DIP2A: variants seen among roughly 807,000 people sequenced by gnomAD.
The protein encoded by DIP2A is DIP2 acetate--CoA ligase A, also known as disco-interacting protein 2 homolog A.
DIP2A carries 85 observed loss-of-function variants against 177.4 expected under a neutral mutation model. The ratio of observed to expected loss-of-function variants is 0.48; its 90% CI spans 0.40 to 0.57. The LOEUF (loss-of-function observed/expected upper bound fraction) is 0.57. Among genes scored for constraint, DIP2A ranks in the 20% least tolerant of loss-of-function variants. DIP2A has a pLI of 0.00. For missense variants in DIP2A, 1,791 were observed against 2,100.2 expected, an observed-to-expected ratio of 0.85 and a Z score of 2.88; for synonymous variants, 886 against 881.8, an observed-to-expected ratio of 1.00 and a Z score of -0.08.
chr21:46,554,942 C>T lies in DIP2A; in HGVS notation c.3388+9C>T, dbSNP rs780892394. 6.2e-5 allele frequency: 96 copies of T among 1,549,492 alleles called. No individual in the cohort carries two copies. The highest frequency in any genetic ancestry group is 8.1e-5 in the Non-Finnish European group (93 of 1,146,048). ...CACCATCCTAGACACAGGTGCGTGTCCTCGCACTGCCCAGGACCAGTCCCT... is the reference window on the plus strand; with the variant it reads ...CACCATCCTAGACACAGGTGCGTGTTCTCGCACTGCCCAGGACCAGTCCCT... On this transcript the variant is annotated intron_variant, in intron 28 of 37. Transcript: ENST00000417564.
At chr21:46,536,022 A>G (rs1445127804) in intron 13 of DIP2A, among the ~76,000 whole-genome samples, 1 of 152,238 alleles carries the variant, frequency 6.6e-6, no homozygotes, top group East Asian at 1.9e-4. Flanking sequence ...TCCCATGCCA[A>G]TGAGTAATGG....
chr21:46,557,112 G>A lies in DIP2A; in HGVS notation c.3629+43G>A, dbSNP rs375578173. 9.0e-6 allele frequency: 14 copies of A among 1,555,224 alleles called. No homozygotes were observed. Among genetic ancestry groups the A allele is most frequent in the African/African-American group, 2.7e-5 (2 of 73,628 alleles). ...GCTGCCTGCCAGGTGGGAGCAGCTC[G>A]TGTGGCTCTTAGGAACCTTGGCCTT... On this transcript the variant is annotated intron_variant, in intron 30 of 37. Transcript: ENST00000417564. The surrounding 1 kb of genome is among the most constrained non-coding windows in gnomAD (Gnocchi z 6.0).
chr21:46,459,300 C>T, intron 1 of DIP2A, 78 bp downstream of exon 1: 3 of 1,277,644 alleles, frequency 2.3e-6, no homozygotes, highest in Admixed American at 2.9e-5. Flanking sequence ...TCCGGGACCC[C>T]CGCGCGGCCC....
chr21:46,484,679 C>T, intron 1 of DIP2A, 78 bp from the exon 2 acceptor site: 1 of 1,277,656 alleles, frequency 7.8e-7, no homozygotes, highest in Non-Finnish European at 1.1e-6. Context: ...TCCAGTTTTT[C>T]AATCATAAAT....
rs1417541327 is a variant in DIP2A, at chr21:46,509,376, G to T, written c.904G>T (p.Val302Phe). The T allele has an allele frequency of 4.4e-6, 7 of 1,602,616 alleles. No homozygotes were observed. The highest frequency in any genetic ancestry group is 5.1e-6 in the Non-Finnish European group (6 of 1,176,136). ...GGATGATTTTGAGGAATTGTTGGAA[G>T]GTAAGAGTTGTCCAACTTTGAGCTT... Reference protein sequence around the residue: ...FVDDFEELLEVQQPDPNQPKP... With the variant: ...FVDDFEELLEFQQPDPNQPKP... Residue 302 changes from valine to phenylalanine, a missense_variant and splice_region_variant, in exon 7 of 38, where the codon GTT becomes TTT. Transcript: ENST00000417564.
Position 46,459,005 on chromosome 21 carries a change from G to T in DIP2A, c.-127G>T. ...GTCCTGGCCGCGCCCCTGTCCCGCC[G>T]CCTCCCGCTCCTCGCCTGGCGGATG... On this transcript the variant is annotated 5_prime_UTR_variant, in exon 1 of 38. Transcript: ENST00000417564. 1.3e-6 allele frequency: 1 copy of T among 766,578 alleles called. No individual in the cohort carries two copies. The highest frequency in any genetic ancestry group is 3.5e-5 in the East Asian group (1 of 28,782). 47.5% of individuals were successfully genotyped at this position (766,578 alleles called of 1,614,324 possible).
Position 46,459,161 on chromosome 21 carries a change from G to A in DIP2A, c.30G>A (p.Ala10=), listed in dbSNP as rs1444094741. 1.3e-6 allele frequency: 2 copies of A among 1,519,204 alleles called. No homozygotes were observed. The highest frequency in any genetic ancestry group is 2.7e-5 in the East Asian group (1 of 36,488). The allele number at this position is 1,519,204 out of a possible 1,614,324, so 94.1% of individuals were successfully genotyped here. A position where few individuals can be genotyped will look rare whatever the true frequency, so the allele number is the denominator to read the frequency against. Residue 10 remains alanine, a synonymous_variant, in exon 1 of 38, where the codon GCG becomes GCA. Transcript: ENST00000417564. Reference sequence around the variant, plus strand: ...CTGACCGCGGGTGCCCGCTGGAGGCGGCGCCGCTGCCTGCCGAGGTGCGGG... The same window carrying A: ...CTGACCGCGGGTGCCCGCTGGAGGCAGCGCCGCTGCCTGCCGAGGTGCGGG... The part of the protein sequence containing the change: MADRGCPLE[A]APLPAEVRES...
In DIP2A at chr21:46,558,330, C is replaced by T. The variant is rs1431703794; in HGVS notation, c.3906C>T (p.Gly1302=). The T allele has an allele frequency of 6.2e-7, 1 of 1,607,012 alleles. No individual in the cohort carries two copies. The highest frequency in any genetic ancestry group is 1.1e-5 in the South Asian group (1 of 89,648). ...TCTCCAAGCTCTTCAAGGACCTGGG[C>T]CTGCCGGCCCGCGCCGTAAGCACCA... ...QSFSKLFKDL[G]LPARAVSTTF... The change falls in exon 32 of 38, where the codon GGC becomes GGT. Residue 1302 remains glycine, a synonymous_variant. Transcript: ENST00000417564.
Position 46,504,465 on chromosome 21 carries a change from G to A in DIP2A, c.760G>A (p.Gly254Arg), listed in dbSNP as rs768687801. The change falls in exon 6 of 38, where the codon GGG (glycine) becomes AGG (arginine). Residue 254 changes from glycine to arginine, a missense_variant. Gly to Arg is a moderately radical substitution (Grantham distance 125). Transcript: ENST00000417564. The part of the protein sequence containing the change: ...SVRSVPRGCS[G>R]SMLETADGVP... Reference sequence around the variant, plus strand: ...GAGAAGTGTTCCTCGGGGGTGCAGCGGGAGCATGCTGGAAACAGCAGATGG... The same window carrying A: ...GAGAAGTGTTCCTCGGGGGTGCAGCAGGAGCATGCTGGAAACAGCAGATGG... 123 of 1,611,590 alleles carry A rather than the reference G, an allele frequency of 7.6e-5. No individual in the cohort carries two copies. The highest frequency in any genetic ancestry group is 9.3e-5 in the Non-Finnish European group (110 of 1,178,546).
intron 3 of DIP2A, among the ~76,000 whole-genome samples, chr21:46,495,760 A>G (rs2057322940): frequency 6.6e-6 from 1 of 152,066 alleles, no homozygotes; most frequent in South Asian, 2.1e-4. Flanking sequence ...GGCGCATGCC[A>G]CTGCACCTGC....
Position 46,547,899 on chromosome 21 carries a change from G to A in DIP2A, c.2522+857G>A, listed in dbSNP as rs1342714963. 4.0e-5 allele frequency among the ~76,000 whole-genome samples: 6 copies of A among 151,816 alleles called. No individual in the cohort carries two copies. The South Asian group carries it at 8.3e-4, about 21-fold the overall frequency. On this transcript the variant is annotated intron_variant, in intron 21 of 37. Transcript: ENST00000417564. ...TGCTCAAGCTGCTCTCGAACTCCTGGGCTCAAGCAATCCTCCCTCCTTGGC... is the reference window on the plus strand; with the variant it reads ...TGCTCAAGCTGCTCTCGAACTCCTGAGCTCAAGCAATCCTCCCTCCTTGGC...
chr21:46,533,481 G>C, intron 10 of DIP2A, 43 bp from the exon 11 acceptor site: 1 of 1,597,716 alleles, frequency 6.3e-7, no homozygotes, highest in Non-Finnish European at 8.5e-7. Flanking sequence ...GGCTGTGGCT[G>C]CTGTGAGCAC....
At chr21:46,506,806 T>C (rs1429031627) in intron 6 of DIP2A, among the ~76,000 whole-genome samples, 2 of 130,770 alleles carry the variant, frequency 1.5e-5, no homozygotes, top group Non-Finnish European at 3.1e-5. Context: ...TTTCTTCTCT[T>C]TTTTTTTTTT....
chr21:46,523,322 C>T (rs1237044163), intron 8 of DIP2A, among the ~76,000 whole-genome samples: 1 of 151,280 alleles, frequency 6.6e-6, no homozygotes, highest in African/African-American at 2.4e-5. Flanking sequence ...GCAACCTCCG[C>T]CTCCCAGGTT....
chr21:46,549,234 G>A (rs376170965), intron 21 of DIP2A, among the ~76,000 whole-genome samples: 22 of 152,170 alleles, frequency 1.4e-4, no homozygotes, highest in African/African-American at 5.1e-4. Flanking sequence ...TAACATGATG[G>A]GTTTGGTGGG....
At position 46,551,846 on chromosome 21, in the gene DIP2A, T is replaced by C; in HGVS notation, c.2972T>C (p.Leu991Pro). The part of the protein sequence containing the change: ...ARKFLFLADV[L>P]QWRAHTTPDH... The stretch of plus-strand genomic sequence containing the variant: ...CAGTTCCTGTTCCTGGCTGACGTGC[T>C]GCAGTGGCGTGCCCACACCACTCCT... The change falls in exon 25 of 38, where the codon CTG becomes CCG. Residue 991 changes from leucine (L) to proline (P), a missense_variant. By Grantham distance (98) the Leu-to-Pro change is moderately conservative (BLOSUM62 -3). Transcript: ENST00000417564. 6.2e-7 allele frequency: 1 copy of C among 1,612,324 alleles called. No individual in the cohort carries two copies. Among genetic ancestry groups the C allele is most frequent in the Non-Finnish European group, 8.5e-7 (1 of 1,179,202 alleles).
At chr21:46,574,871 C>CA (rs1753496799), downstream of DIP2A, among the ~76,000 whole-genome samples, 1 of 152,068 alleles carries the variant, frequency 6.6e-6, no homozygotes, top group African/African-American at 2.4e-5. Context: ...AAATAACTAA[C>CA]ACTAATCCTT....
In DIP2A at chr21:46,459,194, G is replaced by A; in HGVS notation, c.63G>A (p.Leu21=). The A allele has an allele frequency of 3.3e-6, 5 of 1,525,806 alleles. No individual in the cohort carries two copies. Among genetic ancestry groups the A allele is most frequent in the Non-Finnish European group, 4.4e-6 (5 of 1,137,162 alleles). 94.5% of individuals were successfully genotyped at this position (1,525,806 alleles called of 1,614,324 possible). A position where few individuals can be genotyped will look rare whatever the true frequency, so the allele number is the denominator to read the frequency against. The part of the protein sequence containing the change: ...APLPAEVRES[L]AELELELSEG... Reference sequence around the variant, plus strand: ...TGCCTGCCGAGGTGCGGGAGAGCCTGGCTGAGCTGGAGCTGGAGCTGTCGG... The same window carrying A: ...TGCCTGCCGAGGTGCGGGAGAGCCTAGCTGAGCTGGAGCTGGAGCTGTCGG... Residue 21 remains leucine, a synonymous_variant, in exon 1 of 38, where the codon CTG becomes CTA. Coordinates refer to ENST00000417564, the MANE Select transcript of DIP2A (RefSeq NM_015151.4).
intron 3 of DIP2A, among the ~76,000 whole-genome samples, chr21:46,494,060 A>G (rs2148496391): frequency 1.3e-5 from 2 of 152,334 alleles, no homozygotes; most frequent in Middle Eastern, 6.8e-3. Context: ...TCTGTATCTG[A>G]AAAGATTGTA....
Sources: allele counts gnomAD v4.1 joint callset (sites outside exome capture counted in the v4.1 genomes callset), GRCh38; gene constraint gnomAD v4.1.1; non-coding constraint Gnocchi (gnomAD v3.1); transcripts MANE v1.5; gene names NCBI Gene and HGNC (gene_info 2026-07-23, HGNC 2026-07-21).